MAP3K5: variants seen among roughly 807,000 people sequenced by gnomAD.
The protein encoded by MAP3K5 is ASK-1.
Under a neutral mutation model 158.7 loss-of-function variants are expected in MAP3K5, and 56 were observed. The observed-to-expected ratio is 0.35, with a 90% CI of 0.28 to 0.44. MAP3K5 has a LOEUF of 0.44. MAP3K5 is among the 20% of genes least tolerant of loss of function. The probability of loss-of-function intolerance (pLI) is 1.00; values close to 1 mark genes in which losing one functional copy is unlikely to be tolerated. For missense variants in MAP3K5, 1,294 were observed against 1,674.8 expected (o/e 0.77, Z 3.97); for synonymous variants, 579 against 601.7 (o/e 0.96, Z 0.55).
chr6:136,686,909 A>G (rs1174404444), intron 7 of MAP3K5, among the ~76,000 whole-genome samples: 1 of 152,222 alleles, frequency 6.6e-6, no homozygotes, highest in African/African-American at 2.4e-5. Context: ...TCTTCACAGA[A>G]TTAGAAAAAA....
At chr6:136,678,749 G>A (rs1238052648) in intron 7 of MAP3K5, among the ~76,000 whole-genome samples, 3 of 149,346 alleles carry the variant, frequency 2.0e-5, no homozygotes, top group Non-Finnish European at 4.4e-5. Flanking sequence ...TTCTTGAGAT[G>A]GAGTCTCGCT....
chr6:136,694,093 C>A (rs776560278), intron 7 of MAP3K5, 47 bp downstream of exon 7: 1 of 1,480,450 alleles, frequency 6.8e-7, no homozygotes, highest in Non-Finnish European at 9.2e-7. Context: ...CTTTTTTATG[C>A]CATGGATTTA....
intron 24 of MAP3K5, 43 bp from the exon 25 acceptor site, chr6:136,580,449 C>CA: frequency 8.1e-7 from 1 of 1,241,372 alleles, no homozygotes; most frequent in Non-Finnish European, 1.2e-6. Context: ...TTTTTAATTG[C>CA]AAATAGCCTA....
chr6:136,792,726 G>A (rs188375792), upstream of MAP3K5, among the ~76,000 whole-genome samples: 2 of 152,348 alleles, frequency 1.3e-5, no homozygotes, highest in Admixed American at 1.3e-4. The surrounding 1 kb of genome is among the most constrained non-coding windows in gnomAD (Gnocchi z 5.7). Context: ...CTCTTAGGCG[G>A]CAGCTCGCCT....
At chr6:136,562,664 TTC>T (rs1437806734) in intron 26 of MAP3K5, 49 bp from the exon 27 acceptor site, 1 of 961,684 alleles carries the variant, frequency 1.0e-6, no homozygotes, top group Non-Finnish European at 1.6e-6. Context: ...CAGGGTGACC[TTC>T]TTTTTTTTAT....
intron 1 of MAP3K5, among the ~76,000 whole-genome samples, chr6:136,735,622 G>A (rs1350155808): frequency 6.6e-6 from 1 of 152,122 alleles, no homozygotes; most frequent in Admixed American, 6.5e-5. Flanking sequence ...TTGAGTTCGG[G>A]AGTTTGAGAC....
chr6:136,680,842 G>A (rs1286191344), intron 7 of MAP3K5, among the ~76,000 whole-genome samples: 1 of 152,126 alleles, frequency 6.6e-6, no homozygotes, highest in Non-Finnish European at 1.5e-5. Context: ...TTCTGAGAAG[G>A]CTGGAAAGAT....
chr6:136,720,884 A>T (rs1204311090), intron 1 of MAP3K5, among the ~76,000 whole-genome samples: 5 of 152,088 alleles, frequency 3.3e-5, no homozygotes, highest in African/African-American at 1.2e-4. Context: ...GGCTCAAATG[A>T]TCCTCCCACC....
At chr6:136,724,315 C>A (rs947244313) in intron 1 of MAP3K5, among the ~76,000 whole-genome samples, 2 of 150,816 alleles carry the variant, frequency 1.3e-5, no homozygotes, top group Admixed American at 6.6e-5. Flanking sequence ...GGGGCACAAC[C>A]TCAGCTCACT....
intron 7 of MAP3K5, among the ~76,000 whole-genome samples, chr6:136,689,896 C>T (rs139932675): frequency 6.6e-6 from 1 of 151,992 alleles, no homozygotes; most frequent in African/African-American, 2.4e-5. Flanking sequence ...TTTCTAAAAG[C>T]TAAGATTTCT....
At chr6:136,650,380 T>C (rs1252302393) in intron 11 of MAP3K5, among the ~76,000 whole-genome samples, 1 of 152,240 alleles carries the variant, frequency 6.6e-6, no homozygotes, top group Non-Finnish European at 1.5e-5. Context: ...GATTTGCACA[T>C]GCATTAAAAC....
At chr6:136,645,276 G>A (rs1778198185) in intron 11 of MAP3K5, among the ~76,000 whole-genome samples, 1 of 152,150 alleles carries the variant, frequency 6.6e-6, no homozygotes, top group Non-Finnish European at 1.5e-5. Flanking sequence ...TATTTAAGCT[G>A]CTTTTGGCAG....
At chr6:136,578,362 CA>C (rs1250191083) in intron 25 of MAP3K5, among the ~76,000 whole-genome samples, 18 of 152,222 alleles carry the variant, frequency 1.2e-4, no homozygotes, top group African/African-American at 4.1e-4. Context: ...TTGTTTCAAC[CA>C]AATATGAATC....
intron 1 of MAP3K5, among the ~76,000 whole-genome samples, chr6:136,750,274 C>T (rs1488366979): frequency 2.0e-5 from 3 of 152,134 alleles, no homozygotes; most frequent in Non-Finnish European, 2.9e-5. Context: ...CACAGGGTTT[C>T]GCCATCTTGG....
chr6:136,673,967 A>G (rs2114552242), intron 7 of MAP3K5, among the ~76,000 whole-genome samples: 1 of 152,268 alleles, frequency 6.6e-6, no homozygotes, highest in African/African-American at 2.4e-5. Context: ...ATGCCAAAAC[A>G]TGTTACCAAA....
At chr6:136,646,670 T>C (rs1045974703) in intron 11 of MAP3K5, among the ~76,000 whole-genome samples, 2 of 152,238 alleles carry the variant, frequency 1.3e-5, no homozygotes, top group South Asian at 4.1e-4. Flanking sequence ...TGCTCTCGTC[T>C]CCATAATGTT....
chr6:136,558,729 G>C, intron 29 of MAP3K5, 71 bp downstream of exon 29: 1 of 974,784 alleles, frequency 1.0e-6, no homozygotes, highest in South Asian at 1.3e-5. Flanking sequence ...ACCCAGCCTG[G>C]GAAGATACTC....
intron 26 of MAP3K5, among the ~76,000 whole-genome samples, chr6:136,563,835 C>A (rs1486147632): frequency 6.6e-6 from 1 of 152,142 alleles, no homozygotes; most frequent in Non-Finnish European, 1.5e-5. Flanking sequence ...CAGGATAAAT[C>A]GTTGCATAAA....
At chr6:136,698,409 C>A (rs1780698162) in intron 4 of MAP3K5, 80 bp downstream of exon 4, 1 of 1,200,378 alleles carries the variant, frequency 8.3e-7, no homozygotes. Context: ...ATCTCAGGAG[C>A]ACCTGATATC....
Sources: gnomAD v4.1 joint callset for allele counts (sites outside exome capture counted in the v4.1 genomes callset) on GRCh38, gnomAD v4.1.1 for gene constraint, Gnocchi (gnomAD v3.1) non-coding constraint, MANE v1.5 for transcripts, NCBI Gene and HGNC (gene_info 2026-07-23, HGNC 2026-07-21) for gene names.